Variants in ORM2 observed in about 807,000 individuals in gnomAD.
ORM2 encodes alpha-1-acid glycoprotein 2.
A neutral mutation model predicts 26.8 loss-of-function variants in ORM2; 19 were observed. The observed-to-expected ratio is 0.71, with a 90% confidence interval of 0.49 to 1.04. The LOEUF is 1.04. Among genes scored for constraint, ORM2 ranks in the 50% least tolerant of loss-of-function variants. The pLI is 0.00. For missense variants in ORM2, 259 were observed against 244.9 expected, an observed-to-expected ratio of 1.06 and a Z score of -0.39; for synonymous variants, 94 against 100.0, an observed-to-expected ratio of 0.94 and a Z score of 0.36.
At chr9:114,330,697 C>T in intron 2 of ORM2, 95 bp from the exon 3 acceptor site, 1 of 1,597,456 alleles carries the variant, frequency 6.3e-7, no homozygotes, top group Admixed American at 1.7e-5. Context: ...TGGCTTTAAT[C>T]TCCACCAGAC....
rs756070700 is a variant in ORM2, at chr9:114,330,462, C to T, written c.143C>T (p.Ser48Leu). 6 of 1,605,178 alleles carry T rather than the reference C, an allele frequency of 3.7e-6. No homozygotes were observed. In the South Asian group the frequency reaches 4.4e-5, roughly 12 times the overall value. Reference sequence around the variant, plus strand: ...ACTGGCAAGTGGTTTTATATCGCATCGGCCTTTCGAAACGAGGAGTACAAT... The same window carrying T: ...ACTGGCAAGTGGTTTTATATCGCATTGGCCTTTCGAAACGAGGAGTACAAT... ...RITGKWFYIA[S>L]AFRNEEYNKS... is the part of the protein sequence containing the mutation. The change falls in exon 2 of 6, where the codon TCG (serine) becomes TTG (leucine). Residue 48 changes from serine (S) to leucine (L), a missense_variant. Physicochemically the swap from Ser to Leu is moderately radical, Grantham distance 145. This residue lies in a region of ORM2 where 251 missense variants were observed against 220.5 expected (regional missense o/e 1.14). Coordinates refer to ENST00000431067, the MANE Select transcript of ORM2 (RefSeq NM_000608.4).
rs1829838109 is a variant in ORM2, at chr9:114,330,783, T to C, written c.258-9T>C. ...TACTGTTTTTCTTCCGCCTTCTGGT[T>C]GACTTTAGCCAGAACCAGTGCTTCT... On this transcript the variant is annotated splice_polypyrimidine_tract_variant and intron_variant, in intron 2 of 5. Transcript: ENST00000431067. 1 of 1,613,590 alleles carries C rather than the reference T, an allele frequency of 6.2e-7. No individual in the cohort carries two copies.
At chr9:114,332,318 C>T (rs533489982) in intron 5 of ORM2, among the ~76,000 whole-genome samples, 4 of 152,274 alleles carry the variant, frequency 2.6e-5, no homozygotes, top group East Asian at 3.9e-4. Flanking sequence ...GGAATTGATA[C>T]TGTGGTTTTC....
intron 4 of ORM2, 45 bp from the exon 5 acceptor site, chr9:114,331,781 C>G: frequency 1.9e-6 from 3 of 1,600,158 alleles, no homozygotes; most frequent in Non-Finnish European, 1.7e-6. Context: ...GGCCTCCCGC[C>G]GGGCCCCACC....
At chr9:114,330,133 C>T (rs753832574) in intron 1 of ORM2, 115 bp downstream of exon 1, 3 of 1,577,058 alleles carry the variant, frequency 1.9e-6, no homozygotes, top group Non-Finnish European at 2.6e-6. Context: ...GCCTTTTTCT[C>T]TTCTGGGTCC....
intron 3 of ORM2, among the ~76,000 whole-genome samples, chr9:114,331,306 C>A (rs1030662806): frequency 2.0e-5 from 3 of 152,092 alleles, no homozygotes; most frequent in African/African-American, 4.8e-5. Context: ...CCTCTCTGGG[C>A]CTCATTTTCC....
chr9:114,332,378 T>C (rs1469721348), intron 5 of ORM2, among the ~76,000 whole-genome samples: 2 of 152,148 alleles, frequency 1.3e-5, no homozygotes, highest in Non-Finnish European at 2.9e-5. Context: ...CGATTTTTGC[T>C]ACAAATGAAA....
chr9:114,332,396 TATA>T (rs1829869649), intron 5 of ORM2, among the ~76,000 whole-genome samples: 1 of 152,128 alleles, frequency 6.6e-6, no homozygotes, highest in Admixed American at 6.5e-5. Context: ...AAAATTACTG[TATA>T]ATGAGCTCCT....
rs532288698 is a variant in ORM2, at chr9:114,330,023, G to C, written c.114+5G>C. 8 of 1,594,284 alleles carry C rather than the reference G, an allele frequency of 5.0e-6. No homozygotes were observed. In the East Asian group the frequency reaches 1.6e-4, roughly 32 times the overall value. ...ACCAACGCCACCCTGGACCGGGTGA[G>C]TGCCTGGGCTAGCCCTGTCCTGAGC... On this transcript the variant is annotated splice_donor_5th_base_variant and intron_variant, in intron 1 of 5. Coordinates refer to ENST00000431067, the MANE Select transcript of ORM2 (RefSeq NM_000608.4).
At chr9:114,330,373 C>T (rs1223925493) in intron 1 of ORM2, 61 bp from the exon 2 acceptor site, 4 of 1,551,390 alleles carry the variant, frequency 2.6e-6, no homozygotes, top group Non-Finnish European at 3.5e-6. Flanking sequence ...GAGTCTCCTC[C>T]CAGCTGACAG....
chr9:114,330,349 G>T (rs1829830401), intron 1 of ORM2, 85 bp from the exon 2 acceptor site: 1 of 1,469,116 alleles, frequency 6.8e-7, no homozygotes, highest in Non-Finnish European at 9.4e-7. Flanking sequence ...GCAAAATCAG[G>T]GAGAGATCTG....
chr9:114,330,913 C>T, intron 3 of ORM2, 51 bp downstream of exon 3: 1 of 1,505,362 alleles, frequency 6.6e-7, no homozygotes, highest in South Asian at 1.1e-5. Context: ...CAGGGCAGGC[C>T]AGCATAAGGT....
chr9:114,331,354 A>G (rs570517395), intron 3 of ORM2, among the ~76,000 whole-genome samples: 73 of 152,172 alleles, frequency 4.8e-4, no homozygotes, highest in Admixed American at 4.1e-3. Flanking sequence ...TGACAGCCAC[A>G]GTCTGTGTGA....
chr9:114,330,900 G>T (rs201106598), intron 3 of ORM2, 38 bp downstream of exon 3: 5 of 1,568,002 alleles, frequency 3.2e-6, no homozygotes, highest in Admixed American at 3.3e-5. Flanking sequence ...TTCACCGTGG[G>T]AACAGGGCAG....
chr9:114,332,057 T>G lies in ORM2; in HGVS notation c.540+128T>G, dbSNP rs570820559. On this transcript the variant is annotated intron_variant, in intron 5 of 5. Transcript: ENST00000431067. ...GGCAGATCTTCTGCTTTTAGGCACC[T>G]GCCTCACTGTAGGGACAGCTGAGCT... 1.2e-3 allele frequency: 777 copies of G among 664,030 alleles called. 14 individuals carry two copies. The African/African-American group carries it at 0.014, about 12-fold the overall frequency. The allele number at this position is 664,030 out of a possible 1,614,324, so 41.1% of individuals were successfully genotyped here.
In ORM2 at chr9:114,333,083, A is replaced by C; in HGVS notation, c.555A>C (p.Pro185=). The part of the protein sequence containing the change: ...YTDWKKDKCE[P]LEKQHEKERK... ...CTGCCTTCTAGGATAAGTGTGAGCCACTGGAGAAGCAGCACGAGAAGGAGA... is the reference window on the plus strand; with the variant it reads ...CTGCCTTCTAGGATAAGTGTGAGCCCCTGGAGAAGCAGCACGAGAAGGAGA... The change falls in exon 6 of 6, where the codon CCA becomes CCC. Residue 185 remains proline, a synonymous_variant. Transcript: ENST00000431067. 6.4e-7 allele frequency: 1 copy of C among 1,573,588 alleles called. No homozygotes were observed. Among genetic ancestry groups the C allele is most frequent in the Non-Finnish European group, 8.6e-7 (1 of 1,160,030 alleles).
chr9:114,330,824 T>G lies in ORM2; in HGVS notation c.290T>G (p.Leu97Arg). Reference sequence around the variant, plus strand: ...CAGTGCTTCTATAACTCCAGTTACCTGAATGTCCAGCGGGAGAATGGGACC... The same window carrying G: ...CAGTGCTTCTATAACTCCAGTTACCGGAATGTCCAGCGGGAGAATGGGACC... ...QNQCFYNSSY[L>R]NVQRENGTVS... Residue 97 changes from leucine to arginine, a missense_variant, in exon 3 of 6, where the codon CTG becomes CGG. Physicochemically the swap from Leu to Arg is moderately radical, Grantham distance 102. Around this residue, in one of 2 missense-constraint regions of ORM2, gnomAD observed 251 missense variants for 220.5 expected, o/e 1.14. Transcript: ENST00000431067. 1 of 1,613,952 alleles carries G rather than the reference T, an allele frequency of 6.2e-7. No individual in the cohort carries two copies. Among genetic ancestry groups the G allele is most frequent in the African/African-American group, 1.3e-5 (1 of 74,890 alleles).
In ORM2 at chr9:114,329,924, T is replaced by C; in HGVS notation, c.20T>C (p.Leu7Pro). ...CTCAGTATGGCGCTGTCCTGGGTTC[T>C]TACAGTCCTGAGCCTCCTACCTCTG... Reference protein sequence around the residue: MALSWVLTVLSLLPLLE... With the variant: MALSWVPTVLSLLPLLE... Residue 7 changes from leucine (L) to proline (P), a missense_variant, in exon 1 of 6, where the codon CTT becomes CCT. By Grantham distance (98) the Leu-to-Pro change is moderately conservative. Transcript: ENST00000431067. 1 of 1,456,058 alleles carries C rather than the reference T, an allele frequency of 6.9e-7. No homozygotes were observed. Among genetic ancestry groups the C allele is most frequent in the Admixed American group, 2.2e-5 (1 of 45,094 alleles). 90.2% of individuals were successfully genotyped at this position (1,456,058 alleles called of 1,614,324 possible). A position where few individuals can be genotyped will look rare whatever the true frequency, so the allele number is the denominator to read the frequency against.
chr9:114,332,837 C>T (rs770038835), intron 5 of ORM2, among the ~76,000 whole-genome samples: 7 of 152,168 alleles, frequency 4.6e-5, no homozygotes. Context: ...CAGTAAATGC[C>T]AGTGGTTCTT....
Sources: allele counts gnomAD v4.1 joint callset (sites outside exome capture counted in the v4.1 genomes callset), GRCh38; gene constraint gnomAD v4.1.1; regional missense constraint gnomAD v4.1.1; transcripts MANE v1.5; gene names NCBI Gene and HGNC (gene_info 2026-07-23, HGNC 2026-07-21).